STAC: variants seen among roughly 807,000 people sequenced by gnomAD.
The protein encoded by STAC is SH3 and cysteine-rich domain-containing protein.
Under a neutral mutation model 48.8 loss-of-function variants are expected in STAC, and 43 were observed. That is an observed-to-expected ratio of 0.88 (90% CI 0.69 to 1.14). The LOEUF (loss-of-function observed/expected upper bound fraction) is 1.14, where lower values mean the gene tolerates loss of function less well. Among genes scored for constraint, STAC ranks in the 50% most tolerant of loss-of-function variants. The probability of loss-of-function intolerance (pLI) is 0.00; values close to 1 mark genes in which losing one functional copy is unlikely to be tolerated. For synonymous variants in STAC, 193 were observed against 179.5 expected (o/e 1.07, Z -0.60); for missense variants, 497 against 504.0 (o/e 0.99, Z 0.13).
intron 1 of STAC, chr3:36,409,421 T>C (rs1700146996): frequency 6.6e-6 from 1 of 152,224 alleles, no homozygotes; most frequent in African/African-American, 2.4e-5. Flanking sequence ...ACAGTCGATA[T>C]TCCCAATATA....
rs190148319 is a variant in STAC at position 36,546,197 on chromosome 3, G to A, written c.1117G>A (p.Val373Met). 9.9e-5 allele frequency: 159 copies of A among 1,613,384 alleles called. No homozygotes were observed. In the African/African-American group the frequency reaches 1.3e-3, roughly 14 times the overall value. The change falls in exon 11 of 11, where the codon GTG (valine) becomes ATG (methionine). Residue 373 changes from valine (V) to methionine (M), a missense_variant. By Grantham distance (21) the Val-to-Met change is conservative. Coordinates refer to ENST00000273183, the MANE Select transcript of STAC (RefSeq NM_003149.3). ...TTTCTTCCTTGGCATTCAGATCTGCGTGAGTTCTGAAGAAGAACAAGATGG... is the reference window on the plus strand; with the variant it reads ...TTTCTTCCTTGGCATTCAGATCTGCATGAGTTCTGAAGAAGAACAAGATGG... ...QITLKENQIC[V>M]SSEEEQDGFI...
chr3:36,526,100 C>A (rs1380731858), intron 8 of STAC, among the ~76,000 whole-genome samples: 1 of 152,072 alleles, frequency 6.6e-6, no homozygotes, highest in Admixed American at 6.5e-5. Context: ...GAATTGTGAA[C>A]AATGAAGATG....
intron 1 of STAC, among the ~76,000 whole-genome samples, chr3:36,405,566 A>G (rs975142190): frequency 1.3e-5 from 2 of 152,134 alleles, no homozygotes; most frequent in East Asian, 3.9e-4. Context: ...ACTGATCGCT[A>G]TTTAAAGACC....
At chr3:36,537,537 T>G (rs955891718) in intron 10 of STAC, among the ~76,000 whole-genome samples, 6 of 151,926 alleles carry the variant, frequency 3.9e-5, no homozygotes, top group African/African-American at 7.3e-5. Flanking sequence ...CACTAGGGCC[T>G]GTTGGGGCAG....
intron 1 of STAC, among the ~76,000 whole-genome samples, chr3:36,436,076 T>C (rs1046005063): frequency 2.0e-5 from 3 of 152,236 alleles, no homozygotes; most frequent in Non-Finnish European, 4.4e-5. Context: ...ACTCCCAAGG[T>C]ATTACTCCAG....
intron 2 of STAC, among the ~76,000 whole-genome samples, chr3:36,473,044 C>T (rs1391776101): frequency 2.0e-5 from 3 of 152,214 alleles, no homozygotes; most frequent in Non-Finnish European, 4.4e-5. Flanking sequence ...TATAGTTCCA[C>T]ATGGCTGGAG....
At chr3:36,495,627 T>C (rs1403715223) in intron 6 of STAC, among the ~76,000 whole-genome samples, 1 of 152,260 alleles carries the variant, frequency 6.6e-6, no homozygotes, top group Non-Finnish European at 1.5e-5. Flanking sequence ...GTCTATGCTG[T>C]TGCTCACCAA....
At chr3:36,408,005 T>A (rs1700118014) in intron 1 of STAC, among the ~76,000 whole-genome samples, 1 of 152,234 alleles carries the variant, frequency 6.6e-6, no homozygotes, top group Non-Finnish European at 1.5e-5. Flanking sequence ...AGTCCAGGAA[T>A]GTGCTCAGTA....
chr3:36,416,343 C>T (rs1398854046), intron 1 of STAC, among the ~76,000 whole-genome samples: 1 of 152,122 alleles, frequency 6.6e-6, no homozygotes, highest in South Asian at 2.1e-4. Flanking sequence ...CATGGTGGCA[C>T]ATGCCTGTAG....
Position 36,443,599 on chromosome 3 carries a change from A to G in STAC, c.347A>G (p.Lys116Arg). Residue 116 changes from lysine (K) to arginine (R), a missense_variant, in exon 2 of 11, where the codon AAG becomes AGG. Lys to Arg is a conservative substitution (Grantham distance 26). Coordinates refer to ENST00000273183, the MANE Select transcript of STAC (RefSeq NM_003149.3). The surrounding 1 kb of genome is among the most constrained non-coding windows in gnomAD (Gnocchi z 4.2). ...KAHAFQEYIF[K>R]KPTFCDVCNH... is the part of the protein sequence containing the mutation. ...CATGCCTTTCAGGAATACATCTTCA[A>G]GAAGCCCACTTTCTGTGATGTCTGC... is the stretch of plus-strand genomic sequence containing the variant. 1.9e-6 allele frequency: 3 copies of G among 1,613,930 alleles called. No individual in the cohort carries two copies. The highest frequency in any genetic ancestry group is 2.5e-6 in the Non-Finnish European group (3 of 1,180,032).
intron 6 of STAC, among the ~76,000 whole-genome samples, chr3:36,493,730 T>TA (rs1305764874): frequency 2.6e-5 from 4 of 152,182 alleles, no homozygotes; most frequent in Non-Finnish European, 5.9e-5. Context: ...AAAAAACTGA[T>TA]ATGTACAATC....
intron 6 of STAC, 130 bp downstream of exon 6, chr3:36,493,359 T>A (rs1698046245): frequency 1.3e-5 from 10 of 768,430 alleles, no homozygotes; most frequent in Non-Finnish European, 2.1e-5. Flanking sequence ...GTGTTCAATG[T>A]TCTGGAGAGA....
chr3:36,492,981 C>G (rs1389068135), intron 5 of STAC, among the ~76,000 whole-genome samples, 170 bp from the exon 6 acceptor site: 1 of 152,180 alleles, frequency 6.6e-6, no homozygotes, highest in Admixed American at 6.5e-5. Flanking sequence ...AGGTACAGTG[C>G]CCACGAGTGG....
Position 36,546,350 on chromosome 3 carries a change from C to G in STAC, c.*61C>G. 1 of 1,446,474 alleles carries G rather than the reference C, an allele frequency of 6.9e-7. No homozygotes were observed. Among genetic ancestry groups the G allele is most frequent in the Non-Finnish European group, 9.7e-7 (1 of 1,028,082 alleles). The allele number at this position is 1,446,474 out of a possible 1,614,324, so 89.6% of individuals were successfully genotyped here. ...CTGCTGCGATGCCTCTGCCTCATCT[C>G]ACACTGCGTCAACCCAAAGGAGCTG... On this transcript the variant is annotated 3_prime_UTR_variant, in exon 11 of 11. Coordinates refer to ENST00000273183, the MANE Select transcript of STAC (RefSeq NM_003149.3).
At chr3:36,516,714 T>C (rs1206672542) in intron 8 of STAC, among the ~76,000 whole-genome samples, 2 of 152,322 alleles carry the variant, frequency 1.3e-5, no homozygotes, top group South Asian at 2.1e-4. Context: ...TCTGACACTA[T>C]CTGTGTCAAT....
intron 1 of STAC, among the ~76,000 whole-genome samples, chr3:36,391,292 TC>T (rs1306941438): frequency 2.0e-5 from 3 of 152,194 alleles, no homozygotes; most frequent in Non-Finnish European, 4.4e-5. Flanking sequence ...CCTCTGCCCA[TC>T]TTTCAAATAT....
At chr3:36,447,413 A>C (rs1303365540) in intron 2 of STAC, among the ~76,000 whole-genome samples, 1 of 152,188 alleles carries the variant, frequency 6.6e-6, no homozygotes, top group African/African-American at 2.4e-5. Flanking sequence ...ACTAGGAACA[A>C]ATTTAAAATG....
intron 10 of STAC, among the ~76,000 whole-genome samples, chr3:36,534,641 G>A (rs1380819639): frequency 2.6e-5 from 4 of 151,742 alleles, no homozygotes; most frequent in African/African-American, 9.7e-5. Context: ...TGAACACAAT[G>A]AGAGTTTGCA....
intron 1 of STAC, among the ~76,000 whole-genome samples, chr3:36,398,171 A>T (rs1699891760): frequency 1.3e-5 from 2 of 152,018 alleles, no homozygotes; most frequent in Non-Finnish European, 2.9e-5. Flanking sequence ...TGTGAAACAG[A>T]AGGAAGCTCA....
Sources: gnomAD v4.1 joint callset for allele counts (sites outside exome capture counted in the v4.1 genomes callset) on GRCh38, gnomAD v4.1.1 for gene constraint, Gnocchi (gnomAD v3.1) non-coding constraint, MANE v1.5 for transcripts, NCBI Gene and HGNC (gene_info 2026-07-23, HGNC 2026-07-21) for gene names.